The following FIGN variants were observed in gnomAD, a reference collection of about 807,000 sequenced individuals.
FIGN encodes fidgetin.
FIGN carries 11 observed loss-of-function variants against 51.3 expected under a neutral mutation model. The ratio of observed to expected loss-of-function variants is 0.21; its 90% CI spans 0.13 to 0.35. FIGN has a LOEUF of 0.35. FIGN is among the 10% of genes least tolerant of loss of function. The probability of loss-of-function intolerance (pLI) is 1.00; values close to 1 mark genes in which losing one functional copy is unlikely to be tolerated. For synonymous variants in FIGN, 407 were observed against 363.2 expected (o/e 1.12, Z -1.37); for missense variants, 857 against 943.6 (o/e 0.91, Z 1.20).
chr2:163,630,499 G>A (rs2105310449), intron 2 of FIGN, among the ~76,000 whole-genome samples: 1 of 152,176 alleles, frequency 6.6e-6, no homozygotes, highest in Non-Finnish European at 1.5e-5. Context: ...GGGTCAAGGT[G>A]AAAGGCAATG....
At chr2:163,697,191 C>T (rs1684335791) in intron 2 of FIGN, among the ~76,000 whole-genome samples, 1 of 148,582 alleles carries the variant, frequency 6.7e-6, no homozygotes, top group Non-Finnish European at 1.5e-5. Context: ...ACTTCTGCCT[C>T]CCGGGTTCAA....
intron 2 of FIGN, among the ~76,000 whole-genome samples, chr2:163,654,905 T>C (rs1337167117): frequency 2.0e-5 from 3 of 151,800 alleles, no homozygotes; most frequent in Non-Finnish European, 4.4e-5. Flanking sequence ...GGTGATTTTA[T>C]TCCCAAAGGA....
chr2:163,651,173 C>G (rs1175374709), intron 2 of FIGN, among the ~76,000 whole-genome samples: 3 of 152,170 alleles, frequency 2.0e-5, no homozygotes, highest in East Asian at 3.9e-4. Context: ...GTAAAAAGTT[C>G]TACTGATAGG....
chr2:163,615,584 G>T (rs2105302272), intron 2 of FIGN, among the ~76,000 whole-genome samples: 1 of 152,240 alleles, frequency 6.6e-6, no homozygotes, highest in South Asian at 2.1e-4. Flanking sequence ...TGACTGTATT[G>T]CAATTATGTG....
At chr2:163,733,864 C>G (rs1485120476) in intron 2 of FIGN, among the ~76,000 whole-genome samples, 2 of 141,134 alleles carry the variant, frequency 1.4e-5, no homozygotes, top group Non-Finnish European at 3.0e-5. Context: ...ACTGTTATTT[C>G]TTTTTTCATA....
intron 2 of FIGN, among the ~76,000 whole-genome samples, chr2:163,659,694 T>C (rs938946557): frequency 6.6e-6 from 1 of 152,202 alleles, no homozygotes; most frequent in Non-Finnish European, 1.5e-5. Flanking sequence ...TTTAAAAAAG[T>C]ATTTCTTACC....
At chr2:163,648,271 T>C (rs1326184093) in intron 2 of FIGN, among the ~76,000 whole-genome samples, 3 of 152,172 alleles carry the variant, frequency 2.0e-5, no homozygotes, top group African/African-American at 7.2e-5. Flanking sequence ...GCTATTCTTC[T>C]GTTTTGGGCC....
chr2:163,629,165 A>C (rs1327143034), intron 2 of FIGN, among the ~76,000 whole-genome samples: 1 of 152,208 alleles, frequency 6.6e-6, no homozygotes, highest in African/African-American at 2.4e-5. Context: ...CGGTTATACA[A>C]ATTTTAAGGA....
intron 2 of FIGN, among the ~76,000 whole-genome samples, chr2:163,712,913 G>A (rs182863552): frequency 2.2e-4 from 33 of 152,216 alleles, no homozygotes; most frequent in Admixed American, 2.0e-3. Flanking sequence ...TTCTTGTAGT[G>A]CTTTCTAAAG....
At chr2:163,663,576 T>C (rs1683725793) in intron 2 of FIGN, among the ~76,000 whole-genome samples, 1 of 151,470 alleles carries the variant, frequency 6.6e-6, no homozygotes, top group Non-Finnish European at 1.5e-5. Context: ...TCAGGTGATC[T>C]GCAGTTATTT....
chr2:163,611,663 C>A lies in FIGN; in HGVS notation c.169G>T (p.Asp57Tyr). 6.2e-7 allele frequency: 1 copy of A among 1,614,182 alleles called. No individual in the cohort carries two copies. The highest frequency in any genetic ancestry group is 1.1e-5 in the South Asian group (1 of 91,086). Residue 57 changes from aspartate to tyrosine, a missense_variant, in exon 3 of 3, where the codon GAT (aspartate) becomes TAT (tyrosine). This residue lies in a region of FIGN where 56 missense variants were observed against 75.3 expected (regional missense o/e 0.74). Coordinates refer to ENST00000333129, the MANE Select transcript of FIGN (RefSeq NM_018086.4). ...GATGCAGTCAGAGCAGATATGTCAT[C>A]ATTCGCCCAGGCGTACTGATAGGTG... Reference protein sequence around the residue: ...QRTYQYAWANDDISALTASNL... With the variant: ...QRTYQYAWANYDISALTASNL...
chr2:163,631,603 C>T (rs1157413394), intron 2 of FIGN, among the ~76,000 whole-genome samples: 1 of 152,116 alleles, frequency 6.6e-6, no homozygotes, highest in African/African-American at 2.4e-5. Context: ...CCCTTCCCTC[C>T]CTTTCCACCA....
At chr2:163,730,483 T>A (rs753741823) in intron 2 of FIGN, among the ~76,000 whole-genome samples, 1 of 150,016 alleles carries the variant, frequency 6.7e-6, no homozygotes, top group Non-Finnish European at 1.5e-5. Flanking sequence ...ATAGGTACAA[T>A]CTCTCTCTCT....
At chr2:163,719,498 G>A (rs867367059) in intron 2 of FIGN, among the ~76,000 whole-genome samples, 7 of 152,138 alleles carry the variant, frequency 4.6e-5, no homozygotes, top group Admixed American at 1.3e-4. Flanking sequence ...GTGTGCCTGC[G>A]TTGTCCAAAG....
Position 163,676,475 on chromosome 2 carries a change from A to C in FIGN, c.25+58428T>G, listed in dbSNP as rs1300304638. Among the ~76,000 whole-genome samples, 29 of 107,148 alleles carry C rather than the reference A, an allele frequency of 2.7e-4. 1 individual carries two copies. The highest frequency in any genetic ancestry group is 4.2e-4 in the African/African-American group (12 of 28,726). The allele number at this position is 107,148 out of a possible 152,430, so 70.3% of individuals were successfully genotyped here. ...TATATATATATATATATATATATATATATATATAACTAGAGTCTGTGCACC... is the reference window on the plus strand; with the variant it reads ...TATATATATATATATATATATATATCTATATATAACTAGAGTCTGTGCACC... On this transcript the variant is annotated intron_variant, in intron 2 of 2. Transcript: ENST00000333129.
intron 2 of FIGN, among the ~76,000 whole-genome samples, chr2:163,621,080 G>A (rs555837892): frequency 6.6e-6 from 1 of 152,110 alleles, no homozygotes; most frequent in East Asian, 1.9e-4. Context: ...TAAAAAGACA[G>A]TTTACATAAG....
chr2:163,623,227 T>G (rs571304882), intron 2 of FIGN, among the ~76,000 whole-genome samples: 1 of 152,330 alleles, frequency 6.6e-6, no homozygotes, highest in African/African-American at 2.4e-5. Flanking sequence ...TTATTATAGA[T>G]AATCCAAGAA....
chr2:163,733,096 T>C (rs1239218207), intron 2 of FIGN, among the ~76,000 whole-genome samples: 1 of 152,162 alleles, frequency 6.6e-6, no homozygotes, highest in African/African-American at 2.4e-5. Context: ...CTACTTTATA[T>C]ATATGTATGT....
rs1307062785 is a variant in FIGN at position 163,608,529 on chromosome 2, G to T, written c.*1023C>A. 6.6e-6 allele frequency: 1 copy of T among 152,354 alleles called. No homozygotes were observed. Among genetic ancestry groups the T allele is most frequent in the African/African-American group, 2.4e-5 (1 of 41,408 alleles). 9.4% of individuals were successfully genotyped at this position (152,354 alleles called of 1,614,324 possible). A position where few individuals can be genotyped will look rare whatever the true frequency, so the allele number is the denominator to read the frequency against. On this transcript the variant is annotated 3_prime_UTR_variant, in exon 3 of 3. Transcript: ENST00000333129. The stretch of plus-strand genomic sequence containing the variant: ...AGGGTCCTAAACAGGTCTTGTGGCT[G>T]ACAGGTCTAGACACTAACACAAACT...
Sources: gnomAD v4.1 joint callset for allele counts (sites outside exome capture counted in the v4.1 genomes callset) on GRCh38, gnomAD v4.1.1 for gene constraint, gnomAD v4.1.1 regional missense constraint, MANE v1.5 for transcripts, NCBI Gene and HGNC (gene_info 2026-07-23, HGNC 2026-07-21) for gene names.